Variants in EPS15 observed in about 807,000 individuals in gnomAD.
EPS15 encodes epidermal growth factor receptor substrate 15.
In EPS15, 72 loss-of-function variants were observed where a neutral mutation model predicts 113.8. The ratio of observed to expected loss-of-function variants is 0.63; its 90% CI spans 0.52 to 0.77. The LOEUF is 0.77. EPS15 is among the 30% of genes least tolerant of loss of function. EPS15 has a pLI of 0.00. For synonymous variants in EPS15, 344 were observed against 363.4 expected, an observed-to-expected ratio of 0.95 and a Z score of 0.61; for missense variants, 1,048 against 1,045.8, an observed-to-expected ratio of 1.00 and a Z score of -0.03.
At chr1:51,448,013 G>C (rs758335483) in intron 9 of EPS15, 33 bp downstream of exon 9, 1 of 1,606,074 alleles carries the variant, frequency 6.2e-7, no homozygotes, top group South Asian at 1.1e-5. Context: ...ATGCTGAAGA[G>C]GGGATCAACC....
intron 1 of EPS15, among the ~76,000 whole-genome samples, chr1:51,506,446 TCAAA>T (rs1265690269): frequency 2.6e-5 from 4 of 152,158 alleles, no homozygotes; most frequent in Non-Finnish European, 5.9e-5. Flanking sequence ...TAAATATTTA[TCAAA>T]CAGACATAAG....
At chr1:51,487,118 T>A (rs74349898) in intron 1 of EPS15, among the ~76,000 whole-genome samples, 4,571 of 152,254 alleles carry the variant, frequency 0.03, 74 homozygotes, top group African/African-American at 0.05. Context: ...CTGTAGAAGT[T>A]AACAACCACA....
chr1:51,480,693 G>A (rs1644005028), intron 2 of EPS15, among the ~76,000 whole-genome samples: 1 of 152,038 alleles, frequency 6.6e-6, no homozygotes, highest in African/African-American at 2.4e-5. Flanking sequence ...TTGTATTTTA[G>A]TAGAGACAGG....
chr1:51,415,444 TTA>T (rs1650114857), intron 13 of EPS15, among the ~76,000 whole-genome samples: 1 of 152,142 alleles, frequency 6.6e-6, no homozygotes, highest in African/African-American at 2.4e-5. Context: ...GATGTCCATA[TTA>T]AAATTCATTA....
chr1:51,395,662 GC>G (rs1442680412), intron 20 of EPS15, among the ~76,000 whole-genome samples: 2 of 152,116 alleles, frequency 1.3e-5, no homozygotes, highest in African/African-American at 4.8e-5. Context: ...AGCGATTCTG[GC>G]TTTTAACTGT....
intron 13 of EPS15, among the ~76,000 whole-genome samples, chr1:51,420,289 G>A (rs369631689): frequency 6.6e-6 from 1 of 151,990 alleles, no homozygotes; most frequent in Non-Finnish European, 1.5e-5. Flanking sequence ...TAAACTGAAG[G>A]AAACAATGTA....
At chr1:51,477,272 T>A (rs1172640820) in intron 2 of EPS15, among the ~76,000 whole-genome samples, 3 of 152,198 alleles carry the variant, frequency 2.0e-5, no homozygotes, top group Non-Finnish European at 2.9e-5. Flanking sequence ...TGATGGTAGT[T>A]TGTATTTCTG....
intron 21 of EPS15, among the ~76,000 whole-genome samples, chr1:51,390,736 A>C (rs1262189390): frequency 6.6e-6 from 1 of 152,234 alleles, no homozygotes; most frequent in Admixed American, 6.5e-5. Context: ...ACTGGCCATC[A>C]GAGAAATGCA....
At chr1:51,509,022 C>G (rs1644572227) in intron 1 of EPS15, among the ~76,000 whole-genome samples, 2 of 151,726 alleles carry the variant, frequency 1.3e-5, no homozygotes, top group African/African-American at 4.9e-5. Flanking sequence ...TCTCATGGCA[C>G]CCCCTTGCCT....
chr1:51,516,269 C>T (rs949485637), intron 1 of EPS15, among the ~76,000 whole-genome samples: 3 of 152,190 alleles, frequency 2.0e-5, no homozygotes, highest in African/African-American at 7.2e-5. Flanking sequence ...TCAAACTCCT[C>T]TAGCAGAAAT....
intron 8 of EPS15, among the ~76,000 whole-genome samples, chr1:51,455,448 G>T (rs1653916937): frequency 6.6e-6 from 1 of 152,086 alleles, no homozygotes; most frequent in South Asian, 2.1e-4. Flanking sequence ...AAATTAGCCA[G>T]GCGTGGTGGC....
intron 1 of EPS15, among the ~76,000 whole-genome samples, chr1:51,484,792 C>G (rs1170031174): frequency 6.6e-6 from 1 of 152,130 alleles, no homozygotes; most frequent in Non-Finnish European, 1.5e-5. Context: ...CCTGGTATGC[C>G]AGGCAGTGCA....
chr1:51,390,439 G>A (rs1647246748), intron 21 of EPS15, among the ~76,000 whole-genome samples: 1 of 152,142 alleles, frequency 6.6e-6, no homozygotes, highest in Admixed American at 6.6e-5. Flanking sequence ...CAAAAGCAAT[G>A]ACAACAGAAG....
At chr1:51,400,733 A>AAAAAAAAAAAAAAAAAAAG (rs1553120052) in intron 19 of EPS15, among the ~76,000 whole-genome samples, 185 bp downstream of exon 19, 1 of 147,764 alleles carries the variant, frequency 6.8e-6, no homozygotes, top group Non-Finnish European at 1.5e-5. Context: ...AAAAAAAAAA[A>AAAAAAAAAAAAAAAAAAAG]AAGAAGAAGT....
intron 1 of EPS15, among the ~76,000 whole-genome samples, chr1:51,513,341 C>T (rs932072355): frequency 2.6e-5 from 4 of 152,068 alleles, no homozygotes; most frequent in Non-Finnish European, 5.9e-5. Context: ...TATAGAAATA[C>T]CCTGAGGTTT....
Position 51,519,202 on chromosome 1 carries a change from T to A in EPS15, c.30A>T (p.Thr10=). 1 of 1,417,778 alleles carries A rather than the reference T, an allele frequency of 7.1e-7. No individual in the cohort carries two copies. Among genetic ancestry groups the A allele is most frequent in the Admixed American group, 2.5e-5 (1 of 39,410 alleles). 87.8% of individuals were successfully genotyped at this position (1,417,778 alleles called of 1,614,324 possible). Residue 10 remains threonine, a synonymous_variant, in exon 1 of 25, where the codon ACA becomes ACT. Transcript: ENST00000371733. ...GCGGACGGGCGTGTGGCGTTACCTG[T>A]GTCAGAGAGAGCTGGGCCGCCGCAG... MAAAAQLSL[T]QLSSGNPVYE...
At chr1:51,487,225 CACAGTATTAGTG>C (rs1644140596) in intron 1 of EPS15, among the ~76,000 whole-genome samples, 1 of 151,916 alleles carries the variant, frequency 6.6e-6, no homozygotes, top group South Asian at 2.1e-4. Flanking sequence ...GTATCAGTGA[CACAGTATTAGTG>C]ACAGATTTGA....
At chr1:51,377,775 C>T (rs771927766) in intron 21 of EPS15, among the ~76,000 whole-genome samples, 7 of 152,100 alleles carry the variant, frequency 4.6e-5, no homozygotes, top group Non-Finnish European at 1.0e-4. Context: ...TAAGAAATCG[C>T]CACAGGCACC....
chr1:51,360,990 G>A (rs1646371821), intron 24 of EPS15, among the ~76,000 whole-genome samples, 181 bp downstream of exon 24: 1 of 152,138 alleles, frequency 6.6e-6, no homozygotes, highest in Admixed American at 6.5e-5. Context: ...CTGTGCGATG[G>A]AACAACCGTA....
Sources: gnomAD v4.1 joint callset for allele counts (sites outside exome capture counted in the v4.1 genomes callset) on GRCh38, gnomAD v4.1.1 for gene constraint, MANE v1.5 for transcripts, NCBI Gene and HGNC (gene_info 2026-07-23, HGNC 2026-07-21) for gene names.